RIN2: variants seen among roughly 807,000 people sequenced by gnomAD.
RIN2 encodes the protein RAB5 interacting protein 2.
Under a neutral mutation model 78.0 loss-of-function variants are expected in RIN2, and 36 were observed. The ratio of observed to expected loss-of-function variants is 0.46; its 90% CI spans 0.35 to 0.61. The LOEUF is 0.61. Ranked by LOEUF, RIN2 falls within the 20% of genes least tolerant of loss-of-function variation. The pLI, the probability that RIN2 is intolerant of heterozygous loss-of-function variation, is 0.00. For missense variants in RIN2, 1,087 were observed against 1,159.7 expected, an observed-to-expected ratio of 0.94 and a Z score of 0.91; for synonymous variants, 466 against 466.8, an observed-to-expected ratio of 1.00 and a Z score of 0.02.
At chr20:19,934,490 A>G (rs1600855685) in intron 3 of RIN2, 1 of 982,912 alleles carries the variant, frequency 1.0e-6, no homozygotes, top group Admixed American at 6.2e-5. Context: ...CCTGGGGCCC[A>G]CTCCCCTCCT....
chr20:19,758,453 C>T (rs527935633), intron 1 of RIN2, 126 bp downstream of exon 1: 2 of 152,388 alleles, frequency 1.3e-5, no homozygotes, highest in African/African-American at 4.8e-5. Context: ...CACTCTCTCC[C>T]TACTCCGGAG....
intron 2 of RIN2, among the ~76,000 whole-genome samples, chr20:19,847,215 C>A (rs1417387585): frequency 1.3e-5 from 2 of 152,126 alleles, no homozygotes; most frequent in African/African-American, 4.8e-5. Context: ...TCATCTGAAG[C>A]ATTTAGCATT....
intron 2 of RIN2, among the ~76,000 whole-genome samples, chr20:19,826,975 G>GGTT (rs1555827771): frequency 7.8e-6 from 1 of 128,654 alleles, no homozygotes; most frequent in African/African-American, 3.0e-5. Context: ...TTGGTTTTGG[G>GGTT]TTTTTTTTTT....
intron 3 of RIN2, among the ~76,000 whole-genome samples, chr20:19,906,155 C>T (rs79946554): frequency 0.013 from 2,049 of 152,292 alleles, 20 homozygotes; most frequent in Non-Finnish European, 0.021. Context: ...TTGTCAGAAA[C>T]AGCTGGAATA....
At chr20:19,982,989 C>T (rs562017241) in intron 9 of RIN2, among the ~76,000 whole-genome samples, 1 of 152,364 alleles carries the variant, frequency 6.6e-6, no homozygotes, top group African/African-American at 2.4e-5. Context: ...GCTGCCTTCT[C>T]TCCCCAGTCA....
chr20:19,843,007 G>T (rs897891175), intron 2 of RIN2, among the ~76,000 whole-genome samples: 3 of 152,114 alleles, frequency 2.0e-5, no homozygotes, highest in African/African-American at 7.2e-5. Flanking sequence ...TTCTGTGGAG[G>T]AATCTGCTGC....
At chr20:19,903,133 T>A (rs1405911416) in intron 3 of RIN2, among the ~76,000 whole-genome samples, 1 of 152,192 alleles carries the variant, frequency 6.6e-6, no homozygotes. Context: ...AATTTAAATT[T>A]AACTTAGCAT....
At chr20:19,814,818 T>G (rs1162830072) in intron 2 of RIN2, among the ~76,000 whole-genome samples, 1 of 152,026 alleles carries the variant, frequency 6.6e-6, no homozygotes, top group African/African-American at 2.4e-5. Flanking sequence ...TTTGAACTCC[T>G]GGCCTCAAGT....
rs940936767 is a variant in RIN2, at chr20:19,917,015, A to G, written c.58-18084A>G. ...TTTACAACGAGAAAAAGTGAAAACC[A>G]CCTGACACATAGCTAATGTTTTAGA... On this transcript the variant is annotated intron_variant, in intron 3 of 12. Coordinates refer to ENST00000255006, the MANE Select transcript of RIN2 (RefSeq NM_018993.4). Among the ~76,000 whole-genome samples, 4 of 152,062 alleles carry G rather than the reference A, an allele frequency of 2.6e-5. 1 individual carries two copies. The South Asian group carries it at 6.2e-4, about 24-fold the overall frequency.
At chr20:19,842,476 A>C (rs1352943127) in intron 2 of RIN2, among the ~76,000 whole-genome samples, 1 of 139,428 alleles carries the variant, frequency 7.2e-6, no homozygotes, top group Non-Finnish European at 1.5e-5. Flanking sequence ...TCTGGACCTC[A>C]GGTGATCCAC....
chr20:19,774,132 C>T (rs1046853634), intron 1 of RIN2, among the ~76,000 whole-genome samples: 1 of 151,976 alleles, frequency 6.6e-6, no homozygotes, highest in African/African-American at 2.4e-5. Flanking sequence ...TCTTTTATCT[C>T]ACAGGGAATT....
intron 3 of RIN2, among the ~76,000 whole-genome samples, chr20:19,914,523 T>C (rs1243617273): frequency 6.6e-6 from 1 of 152,172 alleles, no homozygotes; most frequent in Non-Finnish European, 1.5e-5. Flanking sequence ...TGAATTAAAT[T>C]AGTGAATCGA....
chr20:19,761,324 G>A (rs1294115557), intron 1 of RIN2, among the ~76,000 whole-genome samples: 1 of 152,204 alleles, frequency 6.6e-6, no homozygotes, highest in Non-Finnish European at 1.5e-5. Flanking sequence ...ACCGAGTTGT[G>A]TTTTAGGATG....
At chr20:19,793,016 G>C (rs1244895396) in intron 1 of RIN2, among the ~76,000 whole-genome samples, 1 of 151,268 alleles carries the variant, frequency 6.6e-6, no homozygotes, top group Non-Finnish European at 1.5e-5. Flanking sequence ...TATGTGTTCA[G>C]AATACAGCAA....
chr20:19,850,582 C>T (rs974695243), intron 2 of RIN2, among the ~76,000 whole-genome samples: 6 of 152,206 alleles, frequency 3.9e-5, no homozygotes, highest in Admixed American at 3.3e-4. Flanking sequence ...ACTGGAATGC[C>T]ACCTACACTT....
chr20:19,849,672 C>T (rs2036899432), intron 2 of RIN2, among the ~76,000 whole-genome samples: 1 of 152,080 alleles, frequency 6.6e-6, no homozygotes, highest in African/African-American at 2.4e-5. Flanking sequence ...AAGAGGTGTC[C>T]TGTGTTCAGT....
intron 12 of RIN2, among the ~76,000 whole-genome samples, chr20:19,998,002 G>C (rs2043024716): frequency 6.7e-6 from 1 of 148,462 alleles, no homozygotes; most frequent in Admixed American, 6.7e-5. Flanking sequence ...TTAAGACAGA[G>C]TCTCGCTCTG....
intron 2 of RIN2, among the ~76,000 whole-genome samples, chr20:19,806,120 T>C (rs2035400742): frequency 6.6e-6 from 1 of 152,250 alleles, no homozygotes; most frequent in Admixed American, 6.5e-5. Context: ...CAGTCTATCA[T>C]TGATAGGCAT....
intron 3 of RIN2, among the ~76,000 whole-genome samples, chr20:19,907,621 A>T (rs988205888): frequency 2.0e-5 from 3 of 152,224 alleles, no homozygotes; most frequent in African/African-American, 7.2e-5. Context: ...AGGAAGGAAG[A>T]GGGTGGAGGT....
Sources: gnomAD v4.1 joint callset for allele counts (sites outside exome capture counted in the v4.1 genomes callset) on GRCh38, gnomAD v4.1.1 for gene constraint, MANE v1.5 for transcripts, NCBI Gene and HGNC (gene_info 2026-07-23, HGNC 2026-07-21) for gene names.